KAZN: variants seen among roughly 807,000 people sequenced by gnomAD.
KAZN encodes the protein kazrin.
A neutral mutation model predicts 87.4 loss-of-function variants in KAZN; 40 were observed. The ratio of observed to expected loss-of-function variants is 0.46; its 90% CI spans 0.36 to 0.60. The LOEUF is 0.60. Ranked by LOEUF, KAZN falls within the 20% of genes least tolerant of loss-of-function variation. The pLI is 0.00. For synonymous variants in KAZN, 466 were observed against 458.3 expected (o/e 1.02, Z -0.22); for missense variants, 898 against 1,073.9 (o/e 0.84, Z 2.29).
chr1:15,019,929 A>G lies in KAZN; in HGVS notation c.419-14820A>G, dbSNP rs76077866. 5.4e-3 allele frequency among the ~76,000 whole-genome samples: 816 copies of G among 152,250 alleles called. 22 individuals carry two copies. The East Asian group carries it at 0.074, about 14-fold the overall frequency. ...ATGCCAAGTACTGCCTGGCACCTCC[A>G]TGAATGTCCTCCCCCTTAACTAACC... is the stretch of plus-strand genomic sequence containing the variant. On this transcript the variant is annotated intron_variant, in intron 2 of 14. Transcript: ENST00000376030.
At chr1:14,226,109 G>C (rs1324613334) in intron 2 of KAZN, among the ~76,000 whole-genome samples, 1 of 152,090 alleles carries the variant, frequency 6.6e-6, no homozygotes, top group East Asian at 1.9e-4. Flanking sequence ...TATCAACAGA[G>C]TAAACAGACA....
intron 1 of KAZN, among the ~76,000 whole-genome samples, chr1:14,681,549 T>A (rs572574419): frequency 6.9e-6 from 1 of 145,322 alleles, no homozygotes; most frequent in East Asian, 2.0e-4. Context: ...TACATTTTTT[T>A]TAATGGTGGT....
At chr1:13,951,370 G>A (rs1283655158) in intron 1 of KAZN, among the ~76,000 whole-genome samples, 1 of 152,126 alleles carries the variant, frequency 6.6e-6, no homozygotes, top group Non-Finnish European at 1.5e-5. Flanking sequence ...AGGATAAGAT[G>A]AGCTAGTCCA....
At chr1:14,330,521 A>G (rs1239039858) in intron 2 of KAZN, among the ~76,000 whole-genome samples, 2 of 152,224 alleles carry the variant, frequency 1.3e-5, no homozygotes, top group Non-Finnish European at 2.9e-5. Flanking sequence ...GTCTCAGAAG[A>G]AAAATGAAGA....
chr1:14,905,845 A>AAATAATAATAATAATAATAAT (rs59662108), intron 1 of KAZN, among the ~76,000 whole-genome samples: 1 of 143,266 alleles, frequency 7.0e-6, no homozygotes, highest in Non-Finnish European at 1.5e-5. Flanking sequence ...TCCGTCTCAA[A>AAATAATAATAATAATAATAAT]AATAATAATA....
chr1:14,950,010 C>A (rs1327500375), intron 1 of KAZN, among the ~76,000 whole-genome samples: 1 of 152,038 alleles, frequency 6.6e-6, no homozygotes, highest in African/African-American at 2.4e-5. Flanking sequence ...TCAACACCAC[C>A]TAACGGAAAA....
At chr1:14,412,493 T>TA (rs34937916) in intron 2 of KAZN, among the ~76,000 whole-genome samples, 3 of 152,064 alleles carry the variant, frequency 2.0e-5, no homozygotes, top group African/African-American at 7.2e-5. Flanking sequence ...ATACATTAGC[T>TA]AAAAAAATTA....
At chr1:14,870,385 C>G (rs974827922) in intron 1 of KAZN, among the ~76,000 whole-genome samples, 1 of 152,190 alleles carries the variant, frequency 6.6e-6, no homozygotes, top group Non-Finnish European at 1.5e-5. Flanking sequence ...CTCTGTCGCC[C>G]AGGCTGGAGT....
At chr1:14,333,700 A>ATTAGG (rs1207909519) in intron 2 of KAZN, among the ~76,000 whole-genome samples, 1 of 152,158 alleles carries the variant, frequency 6.6e-6, no homozygotes, top group African/African-American at 2.4e-5. Context: ...ATGGACATGG[A>ATTAGG]TTAGGGATGC....
At chr1:13,900,444 C>T (rs969480983) in intron 1 of KAZN, among the ~76,000 whole-genome samples, 2 of 152,142 alleles carry the variant, frequency 1.3e-5, no homozygotes, top group Admixed American at 1.3e-4. Flanking sequence ...GTCGATGATG[C>T]CCCTTGGACC....
intron 2 of KAZN, among the ~76,000 whole-genome samples, chr1:15,017,295 C>G (rs962680231): frequency 2.0e-5 from 3 of 151,778 alleles, no homozygotes; most frequent in African/African-American, 7.3e-5. Flanking sequence ...GAGATTCAGT[C>G]TCAAAAAAAA....
intron 1 of KAZN, among the ~76,000 whole-genome samples, chr1:14,650,546 A>G (rs1187871327): frequency 6.6e-6 from 1 of 152,218 alleles, no homozygotes; most frequent in Non-Finnish European, 1.5e-5. Flanking sequence ...ACCCTGTCTC[A>G]AAAACAAACA....
chr1:14,098,399 A>G (rs1254252713), intron 1 of KAZN, among the ~76,000 whole-genome samples: 1 of 152,168 alleles, frequency 6.6e-6, no homozygotes, highest in Non-Finnish European at 1.5e-5. Flanking sequence ...GTGGTGGATG[A>G]GAGTTGAATT....
At chr1:13,937,051 GT>G (rs70984302) in intron 1 of KAZN, among the ~76,000 whole-genome samples, 59,656 of 134,408 alleles carry the variant, frequency 0.44, 11,438 homozygotes, top group Admixed American at 0.53. Context: ...TTTTTCTTTT[GT>G]TTTTTTTTTT....
chr1:14,113,817 T>G (rs981924998), intron 1 of KAZN, among the ~76,000 whole-genome samples: 2 of 152,206 alleles, frequency 1.3e-5, no homozygotes, highest in African/African-American at 4.8e-5. Context: ...TCAATGACAT[T>G]ATTTATGCCA....
chr1:15,076,087 T>C (rs927588464), intron 8 of KAZN, among the ~76,000 whole-genome samples: 5 of 152,138 alleles, frequency 3.3e-5, no homozygotes, highest in African/African-American at 4.8e-5. Flanking sequence ...GGCCAGGGCA[T>C]GTGGACCAGG....
intron 2 of KAZN, among the ~76,000 whole-genome samples, chr1:14,250,247 C>T (rs900701401): frequency 4.6e-5 from 7 of 152,100 alleles, no homozygotes; most frequent in Non-Finnish European, 8.8e-5. Flanking sequence ...TTTCATGGAT[C>T]TTATGCTAAT....
chr1:14,644,168 C>T (rs1201383231), intron 1 of KAZN, among the ~76,000 whole-genome samples: 22 of 151,592 alleles, frequency 1.5e-4, no homozygotes, highest in African/African-American at 2.2e-4. Flanking sequence ...CCCACCACCA[C>T]GCCCAGCTAC....
At chr1:14,126,997 T>G (rs931181880) in intron 1 of KAZN, among the ~76,000 whole-genome samples, 1 of 152,160 alleles carries the variant, frequency 6.6e-6, no homozygotes, top group Admixed American at 6.5e-5. Flanking sequence ...TTCCAGCTAC[T>G]CAGGAGGCTG....
Sources: allele counts gnomAD v4.1 joint callset (sites outside exome capture counted in the v4.1 genomes callset), GRCh38; gene constraint gnomAD v4.1.1; transcripts MANE v1.5; gene names NCBI Gene and HGNC (gene_info 2026-07-23, HGNC 2026-07-21).